Variants in C1GALT1 observed in about 807,000 individuals in gnomAD.
C1GALT1 encodes glycoprotein-N-acetylgalactosamine 3-beta-galactosyltransferase 1.
A neutral mutation model predicts 31.0 loss-of-function variants in C1GALT1; 11 were observed. The ratio of observed to expected loss-of-function variants is 0.36; its 90% CI spans 0.22 to 0.59. C1GALT1 has a LOEUF of 0.59. Among genes scored for constraint, C1GALT1 ranks in the 20% least tolerant of loss-of-function variants. The pLI is 0.79. For synonymous variants in C1GALT1, 175 were observed against 143.6 expected (o/e 1.22, Z -1.56); for missense variants, 424 against 425.2 (o/e 1.00, Z 0.03).
At chr7:7,224,706 G>A (rs915062725) in intron 1 of C1GALT1, among the ~76,000 whole-genome samples, 12 of 151,906 alleles carry the variant, frequency 7.9e-5, no homozygotes, top group Admixed American at 4.6e-4. Context: ...TCCTGCTATT[G>A]GTAGTTTGTG....
At chr7:7,191,323 T>C (rs1781061366) in intron 1 of C1GALT1, among the ~76,000 whole-genome samples, 1 of 152,164 alleles carries the variant, frequency 6.6e-6, no homozygotes, top group South Asian at 2.1e-4. Flanking sequence ...AGAATTTCCT[T>C]ACTTTTCAAG....
At chr7:7,180,296 A>G (rs1308675500), upstream of C1GALT1, among the ~76,000 whole-genome samples, 19 of 152,238 alleles carry the variant, frequency 1.2e-4, no homozygotes, top group Admixed American at 1.2e-3. Context: ...ATGTCGAAGA[A>G]TTGGCTGACA....
At chr7:7,181,267 T>TG (rs139908044), upstream of C1GALT1, among the ~76,000 whole-genome samples, 714 of 151,232 alleles carry the variant, frequency 4.7e-3, 7 homozygotes, top group African/African-American at 0.017. Flanking sequence ...TGCGGAAAGG[T>TG]GGAGGGGGAG....
intron 1 of C1GALT1, among the ~76,000 whole-genome samples, chr7:7,218,314 A>G (rs1203235088): frequency 6.6e-6 from 1 of 152,206 alleles, no homozygotes; most frequent in Non-Finnish European, 1.5e-5. Flanking sequence ...GGTGAACTAG[A>G]GCTAGACCCT....
At chr7:7,160,855 G>A (rs1780325958) in intron 2 of C1GALT1, among the ~76,000 whole-genome samples, 1 of 152,050 alleles carries the variant, frequency 6.6e-6, no homozygotes, top group Admixed American at 6.6e-5. Flanking sequence ...CTGGTCAAGA[G>A]GACTTGGAAC....
intron 1 of C1GALT1, among the ~76,000 whole-genome samples, chr7:7,194,534 G>T (rs112177452): frequency 0.034 from 5,188 of 152,054 alleles, 300 homozygotes; most frequent in African/African-American, 0.12. Context: ...ACTTGATAAT[G>T]GTGTGTTATC....
intron 2 of C1GALT1, among the ~76,000 whole-genome samples, chr7:7,161,403 T>A (rs1780332513): frequency 6.6e-6 from 1 of 152,138 alleles, no homozygotes; most frequent in East Asian, 1.9e-4. Context: ...TAACTTTACA[T>A]TTGCTAGCCA....
intron 1 of C1GALT1, among the ~76,000 whole-genome samples, chr7:7,207,575 A>G (rs1047032997): frequency 6.6e-6 from 1 of 151,522 alleles, no homozygotes; most frequent in Non-Finnish European, 1.5e-5. Context: ...TTTTTCAGAA[A>G]GTTGTTTTAT....
intron 1 of C1GALT1, among the ~76,000 whole-genome samples, chr7:7,206,386 A>T (rs1166378667): frequency 6.6e-6 from 1 of 152,052 alleles, no homozygotes; most frequent in African/African-American, 2.4e-5. Flanking sequence ...TTTGGTAATA[A>T]ACTCTCTCAG....
chr7:7,164,084 G>T (rs62453509), intron 2 of C1GALT1, among the ~76,000 whole-genome samples: 2,961 of 152,146 alleles, frequency 0.019, 93 homozygotes, highest in African/African-American at 0.067. Flanking sequence ...AGGCTACAGT[G>T]ACCAAAACAG....
At position 7,245,025 on chromosome 7, in the gene C1GALT1, C is replaced by T. The variant is rs752596028; in HGVS notation, c.*1298C>T. The stretch of plus-strand genomic sequence containing the variant: ...AAATGTTTCATTCTATTTTTAGTGA[C>T]TCTGTTTAAAGAGTTTCTGAAAGGA... On this transcript the variant is annotated 3_prime_UTR_variant, in exon 4 of 4. Transcript: ENST00000436587. 2.0e-5 allele frequency: 3 copies of T among 152,014 alleles called. No individual in the cohort carries two copies. Among genetic ancestry groups the T allele is most frequent in the Non-Finnish European group, 2.9e-5 (2 of 68,016 alleles). The allele number at this position is 152,014 out of a possible 1,614,324, so 9.4% of individuals were successfully genotyped here.
intron 2 of C1GALT1, among the ~76,000 whole-genome samples, chr7:7,236,390 T>C (rs181286209): frequency 6.6e-5 from 10 of 152,228 alleles, no homozygotes; most frequent in African/African-American, 2.4e-4. Context: ...GTTTGGTATA[T>C]TTGTATAGCC....
At chr7:7,232,484 GTTTTT>G (rs67013405) in intron 1 of C1GALT1, among the ~76,000 whole-genome samples, 2 of 132,886 alleles carry the variant, frequency 1.5e-5, no homozygotes, top group East Asian at 2.3e-4. Context: ...AAGGGCGTGG[GTTTTT>G]TTTTTTTGTT....
chr7:7,203,372 G>T (rs1781600470), intron 1 of C1GALT1, among the ~76,000 whole-genome samples: 1 of 151,722 alleles, frequency 6.6e-6, no homozygotes, highest in South Asian at 2.1e-4. Flanking sequence ...GTTCACTGTG[G>T]GTTTCTCGTG....
At chr7:7,235,639 C>A (rs1387091113) in intron 2 of C1GALT1, among the ~76,000 whole-genome samples, 1 of 152,164 alleles carries the variant, frequency 6.6e-6, no homozygotes, top group Admixed American at 6.5e-5. Flanking sequence ...ACATACTTGT[C>A]CAGCTCAGTG....
chr7:7,179,518 G>C (rs1338949229), upstream of C1GALT1, among the ~76,000 whole-genome samples: 1 of 152,148 alleles, frequency 6.6e-6, no homozygotes, highest in African/African-American at 2.4e-5. Context: ...TAGCTTGTTT[G>C]CATTTTCTGT....
chr7:7,161,148 A>T (rs980670249), intron 2 of C1GALT1, among the ~76,000 whole-genome samples: 2 of 152,266 alleles, frequency 1.3e-5, no homozygotes, highest in East Asian at 3.9e-4. Context: ...CAAGTAAACT[A>T]CTTGTCAAGA....
Position 7,221,310 on chromosome 7 carries a change from A to G in C1GALT1, c.-17-12993A>G, listed in dbSNP as rs144772861. Among the ~76,000 whole-genome samples the G allele has an allele frequency of 1.8e-3, 273 of 151,882 alleles. 1 individual carries two copies. Among genetic ancestry groups the G allele is most frequent in the African/African-American group, 6.0e-3 (247 of 41,404 alleles). On this transcript the variant is annotated intron_variant, in intron 1 of 3. Transcript: ENST00000436587. ...AGGTTTTCAATTTTCTTACATTTTA[A>G]TTTTTAGGAGTCTTTTGTCTTCTGA...
chr7:7,226,198 G>A (rs1434610401), intron 1 of C1GALT1, among the ~76,000 whole-genome samples: 1 of 151,396 alleles, frequency 6.6e-6, no homozygotes, highest in Non-Finnish European at 1.5e-5. Flanking sequence ...CTTTCATAAG[G>A]AAAATCTTTT....
Sources: allele counts gnomAD v4.1 joint callset (sites outside exome capture counted in the v4.1 genomes callset), GRCh38; gene constraint gnomAD v4.1.1; transcripts MANE v1.5; gene names NCBI Gene and HGNC (gene_info 2026-07-23, HGNC 2026-07-21).